CPA6: variants seen among roughly 807,000 people sequenced by gnomAD.
CPA6 encodes carboxypeptidase A6, also known as carboxypeptidase B.
CPA6 carries 58 observed loss-of-function variants against 63.3 expected under a neutral mutation model. The observed-to-expected ratio is 0.92, with a 90% CI of 0.74 to 1.14. The LOEUF (loss-of-function observed/expected upper bound fraction) is 1.14, where lower values mean the gene tolerates loss of function less well. Ranked by LOEUF, CPA6 falls within the 50% of genes most tolerant of loss-of-function variation. The pLI is 0.00. For missense variants in CPA6, 565 were observed against 526.6 expected, an observed-to-expected ratio of 1.07 and a Z score of -0.71; for synonymous variants, 185 against 179.0, an observed-to-expected ratio of 1.03 and a Z score of -0.27.
At chr8:67,515,237 G>T (rs974782096) in intron 3 of CPA6, among the ~76,000 whole-genome samples, 1 of 152,114 alleles carries the variant, frequency 6.6e-6, no homozygotes, top group Non-Finnish European at 1.5e-5. Context: ...GCAGCAAAGG[G>T]TAAGTCACTC....
intron 2 of CPA6, among the ~76,000 whole-genome samples, chr8:67,521,139 T>G (rs1812250016): frequency 1.3e-5 from 2 of 152,240 alleles, no homozygotes; most frequent in South Asian, 4.1e-4. Flanking sequence ...TGCCAACCAT[T>G]CCAGGTATTT....
At chr8:67,576,919 G>A (rs1265335670) in intron 2 of CPA6, among the ~76,000 whole-genome samples, 3 of 151,644 alleles carry the variant, frequency 2.0e-5, no homozygotes, top group African/African-American at 7.3e-5. Flanking sequence ...CTGGAATGCG[G>A]TGGCACGATC....
intron 1 of CPA6, among the ~76,000 whole-genome samples, chr8:67,658,101 C>T (rs548349258): frequency 1.4e-4 from 21 of 152,104 alleles, no homozygotes; most frequent in Non-Finnish European, 2.5e-4. Flanking sequence ...CCTCCTACAG[C>T]GAATACTCTT....
intron 1 of CPA6, among the ~76,000 whole-genome samples, chr8:67,629,978 A>T (rs1365737259): frequency 6.6e-6 from 1 of 151,854 alleles, no homozygotes; most frequent in Admixed American, 6.6e-5. Flanking sequence ...AGTGGCAGAC[A>T]TCTATAGCAC....
chr8:67,445,983 G>A (rs1169836013), intron 8 of CPA6, among the ~76,000 whole-genome samples: 2 of 152,122 alleles, frequency 1.3e-5, no homozygotes, highest in African/African-American at 4.8e-5. Flanking sequence ...AGTCATTTAC[G>A]GCCGGGGGCG....
intron 1 of CPA6, among the ~76,000 whole-genome samples, chr8:67,732,004 A>T (rs968875762): frequency 1.3e-5 from 2 of 152,152 alleles, no homozygotes; most frequent in African/African-American, 4.8e-5. Flanking sequence ...ATGGCTAATA[A>T]AAGTGTTGAC....
At chr8:67,579,136 C>T (rs2062082) in intron 2 of CPA6, among the ~76,000 whole-genome samples, 4,169 of 152,298 alleles carry the variant, frequency 0.027, 185 homozygotes, top group Admixed American at 0.12. Flanking sequence ...TTAGGCTGGG[C>T]GTGGTGGCTC....
chr8:67,559,720 A>C (rs941799003), intron 2 of CPA6, among the ~76,000 whole-genome samples: 10 of 152,024 alleles, frequency 6.6e-5, no homozygotes, highest in African/African-American at 2.4e-4. Context: ...AAACCTTTCC[A>C]TATCACAGCA....
chr8:67,738,720 A>G (rs1460784983), intron 1 of CPA6, among the ~76,000 whole-genome samples: 1 of 151,690 alleles, frequency 6.6e-6, no homozygotes, highest in Non-Finnish European at 1.5e-5. Flanking sequence ...TAGGAAATTT[A>G]TGACACTACC....
intron 2 of CPA6, among the ~76,000 whole-genome samples, chr8:67,587,493 G>A (rs1022925723): frequency 2.4e-4 from 37 of 152,116 alleles, no homozygotes; most frequent in African/African-American, 8.4e-4. Context: ...ATTGACAATT[G>A]ATGTAAGGTG....
chr8:67,511,771 C>A, intron 3 of CPA6, 116 bp from the exon 4 acceptor site: 4 of 647,908 alleles, frequency 6.2e-6, no homozygotes, highest in Non-Finnish European at 8.4e-6. Context: ...GATCAATATT[C>A]CTAAAAATAC....
At chr8:67,672,215 T>C (rs1363442414) in intron 1 of CPA6, among the ~76,000 whole-genome samples, 1 of 152,236 alleles carries the variant, frequency 6.6e-6, no homozygotes, top group East Asian at 1.9e-4. Flanking sequence ...TTGTAAATAT[T>C]AACATTTAAA....
At chr8:67,682,868 T>C (rs1270630475) in intron 1 of CPA6, among the ~76,000 whole-genome samples, 1 of 152,246 alleles carries the variant, frequency 6.6e-6, no homozygotes, top group African/African-American at 2.4e-5. Flanking sequence ...CCCTAGAGTA[T>C]TCCTTCTAGC....
At chr8:67,515,830 ATT>A (rs959731356) in intron 3 of CPA6, among the ~76,000 whole-genome samples, 52 of 152,260 alleles carry the variant, frequency 3.4e-4, no homozygotes, top group African/African-American at 1.2e-3. Context: ...AGCCATAAAC[ATT>A]CTACCCCCGG....
intron 1 of CPA6, among the ~76,000 whole-genome samples, chr8:67,726,886 G>T (rs1817606104): frequency 6.6e-6 from 1 of 152,146 alleles, no homozygotes; most frequent in Admixed American, 6.5e-5. Flanking sequence ...AATAAAGGAG[G>T]AACATGCTTG....
At chr8:67,583,247 T>C (rs1452897996) in intron 2 of CPA6, among the ~76,000 whole-genome samples, 1 of 152,138 alleles carries the variant, frequency 6.6e-6, no homozygotes, top group Non-Finnish European at 1.5e-5. Flanking sequence ...TGGTTGATCA[T>C]TATTTGTTAG....
intron 2 of CPA6, among the ~76,000 whole-genome samples, chr8:67,623,112 G>T (rs1373026771): frequency 6.6e-6 from 1 of 152,174 alleles, no homozygotes; most frequent in Non-Finnish European, 1.5e-5. Context: ...TAATTAACTT[G>T]AATTTCTGGC....
At chr8:67,639,792 A>C (rs1435249332) in intron 1 of CPA6, among the ~76,000 whole-genome samples, 1 of 151,564 alleles carries the variant, frequency 6.6e-6, no homozygotes, top group Non-Finnish European at 1.5e-5. Flanking sequence ...TCCTGTGTCC[A>C]GGAAGAATGA....
intron 1 of CPA6, among the ~76,000 whole-genome samples, chr8:67,709,039 T>C (rs548682878): frequency 1.5e-4 from 23 of 152,164 alleles, no homozygotes; most frequent in Non-Finnish European, 2.6e-4. Flanking sequence ...GTTGGGAAAG[T>C]GTGCTCAAGC....
Sources: allele counts gnomAD v4.1 joint callset (sites outside exome capture counted in the v4.1 genomes callset), GRCh38; gene constraint gnomAD v4.1.1; transcripts MANE v1.5; gene names NCBI Gene and HGNC (gene_info 2026-07-23, HGNC 2026-07-21).